The following GAS6 variants were observed in gnomAD, a reference collection of about 807,000 sequenced individuals.
GAS6 encodes growth arrest specific 6, also known as growth arrest-specific protein 6.
Under a neutral mutation model 75.8 loss-of-function variants are expected in GAS6, and 41 were observed. The observed-to-expected ratio is 0.54, with a 90% CI of 0.42 to 0.70. The LOEUF (loss-of-function observed/expected upper bound fraction) is 0.70. GAS6 is among the 30% of genes least tolerant of loss of function. The pLI is 0.00. For missense variants in GAS6, 854 were observed against 940.2 expected, an observed-to-expected ratio of 0.91 and a Z score of 1.20; for synonymous variants, 432 against 412.6, an observed-to-expected ratio of 1.05 and a Z score of -0.57.
intron 2 of GAS6, among the ~76,000 whole-genome samples, chr13:113,858,339 CTG>C (rs750374387): frequency 7.2e-5 from 11 of 151,900 alleles, no homozygotes; most frequent in Non-Finnish European, 1.5e-4. Flanking sequence ...CAGTGTATGA[CTG>C]TGTACGTATG....
At chr13:113,862,521 G>A (rs776911892) in intron 2 of GAS6, among the ~76,000 whole-genome samples, 1 of 152,224 alleles carries the variant, frequency 6.6e-6, no homozygotes, top group South Asian at 2.1e-4. Context: ...AAGCTAGGCT[G>A]AGCTGAAGGA....
At chr13:113,859,217 C>T (rs547637061) in intron 2 of GAS6, among the ~76,000 whole-genome samples, 9 of 134,410 alleles carry the variant, frequency 6.7e-5, no homozygotes, top group East Asian at 2.4e-4. Context: ...TGACTGTGTA[C>T]GTATGTGTAC....
At chr13:113,834,836 C>T in intron 7 of GAS6, 164 bp from the exon 8 acceptor site, 1 of 634,952 alleles carries the variant, frequency 1.6e-6, no homozygotes, top group African/African-American at 1.9e-5. Context: ...CACTGGAAAG[C>T]TAGGTTGCAC....
At chr13:113,828,934 CCT>C (rs1376178522) in intron 10 of GAS6, among the ~76,000 whole-genome samples, 1 of 129,950 alleles carries the variant, frequency 7.7e-6, no homozygotes. Context: ...CTGATCCTCC[CCT>C]GAGCCAAGAG....
rs1351064085 is a variant in GAS6 at position 113,858,379 on chromosome 13, ATGTC to A, written c.255+5192_255+5195del. Reference sequence around the variant, plus strand: ...TATGTGAATGTGTGCATGTGTGTGCATGTCTGTCAGTGTGTGTGACTGTGTGTTT... The same window carrying A: ...TATGTGAATGTGTGCATGTGTGTGCATGTCAGTGTGTGTGACTGTGTGTTT... On this transcript the variant is annotated intron_variant, in intron 2 of 14. Coordinates refer to ENST00000327773, the MANE Select transcript of GAS6 (RefSeq NM_000820.4). Among the ~76,000 whole-genome samples the A allele has an allele frequency of 5.9e-5, 9 of 151,800 alleles. No individual in the cohort carries two copies. The South Asian group carries it at 1.0e-3, about 18-fold the overall frequency.
rs914088281 is a variant in GAS6, at chr13:113,848,164, C to T, written c.256-114G>A. ...GCTGCTCTCGGGGCAGCCAGAGGGC[C>T]GCCCCACCCGGGGAACTGAGGGGAA... On this transcript the variant is annotated intron_variant, in intron 2 of 14. Transcript: ENST00000327773. This position sits in a 1 kb window ranked among gnomAD's most constrained non-coding sequence, Gnocchi z 4.8. 10 of 1,116,068 alleles carry T rather than the reference C, an allele frequency of 9.0e-6. No homozygotes were observed. The Admixed American group carries it at 1.1e-4, about 13-fold the overall frequency. The allele number at this position is 1,116,068 out of a possible 1,614,324, so 69.1% of individuals were successfully genotyped here.
At chr13:113,842,738 T>C in intron 4 of GAS6, 1 of 397,020 alleles carries the variant, frequency 2.5e-6, no homozygotes, top group Non-Finnish European at 4.4e-6. Flanking sequence ...CATGGAGGGA[T>C]GTCTGGGGGA....
chr13:113,842,960 C>T (rs1026123187), intron 4 of GAS6: 7 of 396,306 alleles, frequency 1.8e-5, no homozygotes, highest in Non-Finnish European at 2.2e-5. Context: ...CCACCTGCCC[C>T]GGGGCCTCCC....
At position 113,824,114 on chromosome 13, in the gene GAS6, A is replaced by C. The variant is rs1193905676; in HGVS notation, c.1478-564T>G. 1.8e-3 allele frequency among the ~76,000 whole-genome samples: 207 copies of C among 114,438 alleles called. 2 individuals are homozygous for C. Among genetic ancestry groups the C allele is most frequent in the Middle Eastern group, 5.2e-3 (1 of 192 alleles). 75.1% of individuals were successfully genotyped at this position (114,438 alleles called of 152,430 possible). ...AGGAGCACCCGCGGTCTGAGTTCTGAGCTGTCAGGAGCACCGTGGTCTGGG... is the reference window on the plus strand; with the variant it reads ...AGGAGCACCCGCGGTCTGAGTTCTGCGCTGTCAGGAGCACCGTGGTCTGGG... On this transcript the variant is annotated intron_variant, in intron 12 of 14. Transcript: ENST00000327773.
At chr13:113,859,581 C>T (rs1020346105) in intron 2 of GAS6, among the ~76,000 whole-genome samples, 12 of 149,338 alleles carry the variant, frequency 8.0e-5, no homozygotes, top group Admixed American at 2.7e-4. Context: ...TGTGTGCATA[C>T]GTATGTACAT....
chr13:113,846,821 T>G, intron 3 of GAS6: 1 of 563,890 alleles, frequency 1.8e-6, no homozygotes, highest in Non-Finnish European at 3.2e-6. Flanking sequence ...CACAGTCAAG[T>G]GCGTAAAGCA....
chr13:113,820,571 T>TTTA lies in GAS6; in HGVS notation c.*290_*292dup. On this transcript the variant is annotated 3_prime_UTR_variant, in exon 15 of 15. Coordinates refer to ENST00000327773, the MANE Select transcript of GAS6 (RefSeq NM_000820.4). ...GTGTTACAAAGCTTTCTGTAAATAT[T>TTTA]TTATTTTCCATATTTTAGAGTCAGA... 1 of 399,348 alleles carries TTTA rather than the reference T, an allele frequency of 2.5e-6. No individual in the cohort carries two copies. Among genetic ancestry groups the TTTA allele is most frequent in the Non-Finnish European group, 4.5e-6 (1 of 221,970 alleles). 24.7% of individuals were successfully genotyped at this position (399,348 alleles called of 1,614,324 possible).
At chr13:113,860,724 G>T (rs2051964489) in intron 2 of GAS6, among the ~76,000 whole-genome samples, 1 of 152,186 alleles carries the variant, frequency 6.6e-6, no homozygotes, top group South Asian at 2.1e-4. Flanking sequence ...GCATGTGGGG[G>T]TGGCCCAGCC....
intron 8 of GAS6, 71 bp from the exon 9 acceptor site, chr13:113,832,823 G>A (rs748316921): frequency 1.8e-5 from 29 of 1,604,764 alleles, no homozygotes; most frequent in African/African-American, 2.7e-5. Flanking sequence ...CCCACGCCCC[G>A]GCCGCGCAGC....
At chr13:113,828,277 A>G (rs893478458) in intron 11 of GAS6, among the ~76,000 whole-genome samples, 1 of 152,130 alleles carries the variant, frequency 6.6e-6, no homozygotes, top group Non-Finnish European at 1.5e-5. Context: ...AAAAATAATA[A>G]TAATTTAATT....
intron 2 of GAS6, among the ~76,000 whole-genome samples, chr13:113,850,832 GGATA>G (rs748541277): frequency 4.0e-5 from 6 of 151,502 alleles, no homozygotes; most frequent in Non-Finnish European, 5.9e-5. Context: ...ATTGATAGAT[GGATA>G]GATGGATGGA....
Position 113,823,338 on chromosome 13 carries a change from G to A in GAS6, c.1653+37C>T, listed in dbSNP as rs60377661. 2.5e-3 allele frequency: 3,888 copies of A among 1,575,262 alleles called. 83 individuals are homozygous for A. The African/African-American group carries it at 0.045, about 18-fold the overall frequency. ...AGTGCAGCCCACGTACCCGTGGGTC[G>A]AGCCGGTCAGGACGCCCTGGGTGGC... is the stretch of plus-strand genomic sequence containing the variant. On this transcript the variant is annotated intron_variant, in intron 13 of 14. Transcript: ENST00000327773.
At chr13:113,841,472 G>GTTTCCTCCATATGCCTCAA (rs2051775490) in intron 4 of GAS6, 1 of 151,340 alleles carries the variant, frequency 6.6e-6, no homozygotes. Flanking sequence ...GTATGCCCCA[G>GTTTCCTCCATATGCCTCAA]TTTCCTCCAT....
At chr13:113,832,257 GA>G in intron 10 of GAS6, 41 bp downstream of exon 10, 1 of 1,578,694 alleles carries the variant, frequency 6.3e-7, no homozygotes, top group Non-Finnish European at 8.6e-7. Flanking sequence ...GGCTCAGGGA[GA>G]ACCCCGTGAG....
Sources: gnomAD v4.1 joint callset for allele counts (sites outside exome capture counted in the v4.1 genomes callset) on GRCh38, gnomAD v4.1.1 for gene constraint, Gnocchi (gnomAD v3.1) non-coding constraint, MANE v1.5 for transcripts, NCBI Gene and HGNC (gene_info 2026-07-23, HGNC 2026-07-21) for gene names.